GAD2: variants seen among roughly 807,000 people sequenced by gnomAD.
GAD2 encodes 65 kDa glutamic acid decarboxylase.
In GAD2, 22 loss-of-function variants were observed where a neutral mutation model predicts 80.1. That is an observed-to-expected ratio of 0.27 (90% confidence interval 0.20 to 0.39). GAD2 has a LOEUF of 0.39. Ranked by LOEUF, GAD2 falls within the 10% of genes least tolerant of loss-of-function variation. GAD2 has a pLI of 1.00. For synonymous variants in GAD2, 274 were observed against 256.9 expected, an observed-to-expected ratio of 1.07 and a Z score of -0.64; for missense variants, 624 against 738.4, an observed-to-expected ratio of 0.85 and a Z score of 1.80.
intron 7 of GAD2, among the ~76,000 whole-genome samples, chr10:26,231,901 T>A (rs1291784774): frequency 6.6e-6 from 1 of 152,208 alleles, no homozygotes; most frequent in Non-Finnish European, 1.5e-5. Context: ...CCTGTGGCTC[T>A]CCTGCCTCTC....
chr10:26,235,216 G>A (rs899669406), intron 7 of GAD2, among the ~76,000 whole-genome samples: 6 of 152,282 alleles, frequency 3.9e-5, no homozygotes, highest in African/African-American at 1.2e-4. Context: ...TACTGAACCA[G>A]GTCACATTAC....
intron 15 of GAD2, among the ~76,000 whole-genome samples, chr10:26,299,787 A>G (rs1272745735): frequency 6.6e-6 from 1 of 152,214 alleles, no homozygotes; most frequent in Non-Finnish European, 1.5e-5. Context: ...GCTTAAAGGA[A>G]GAGAGCTACT....
chr10:26,280,360 T>C (rs1845258091), intron 11 of GAD2, among the ~76,000 whole-genome samples: 1 of 152,192 alleles, frequency 6.6e-6, no homozygotes, highest in African/African-American at 2.4e-5. Context: ...GAGCACAGTT[T>C]GGTTCTATGC....
chr10:26,290,156 C>T (rs1009696270), intron 13 of GAD2, among the ~76,000 whole-genome samples: 11 of 152,124 alleles, frequency 7.2e-5, no homozygotes, highest in Non-Finnish European at 1.5e-4. Flanking sequence ...TTTACTTTCT[C>T]TCTAAAATAT....
chr10:26,300,224 C>T (rs1007533522), intron 15 of GAD2, among the ~76,000 whole-genome samples: 1 of 152,112 alleles, frequency 6.6e-6, no homozygotes, highest in Non-Finnish European at 1.5e-5. Flanking sequence ...GTGAGTTCAG[C>T]TTTTTGTCCC....
intron 12 of GAD2, among the ~76,000 whole-genome samples, chr10:26,283,781 G>T (rs1002350776): frequency 1.3e-5 from 2 of 152,170 alleles, no homozygotes; most frequent in Non-Finnish European, 2.9e-5. Context: ...AGGGAGGATG[G>T]CAGCCTTCAC....
chr10:26,247,751 C>T (rs576957631), intron 8 of GAD2, among the ~76,000 whole-genome samples: 4 of 151,666 alleles, frequency 2.6e-5, no homozygotes, highest in East Asian at 1.9e-4. Context: ...CAAAAATTAG[C>T]CGGGGGTGGT....
At chr10:26,279,816 C>A (rs1203125812) in intron 11 of GAD2, among the ~76,000 whole-genome samples, 1 of 152,190 alleles carries the variant, frequency 6.6e-6, no homozygotes, top group African/African-American at 2.4e-5. Context: ...GCTGTGGGAA[C>A]CACACACATC....
chr10:26,237,696 A>G (rs947316912), intron 7 of GAD2, among the ~76,000 whole-genome samples: 3 of 151,972 alleles, frequency 2.0e-5, no homozygotes, highest in Non-Finnish European at 2.9e-5. Context: ...CCCTACATAC[A>G]TATATTTATT....
At chr10:26,244,269 G>A (rs1208688182) in intron 7 of GAD2, among the ~76,000 whole-genome samples, 2 of 152,130 alleles carry the variant, frequency 1.3e-5, no homozygotes, top group Admixed American at 6.5e-5. Flanking sequence ...TGGAAACCTC[G>A]TCCACTGAGA....
intron 15 of GAD2, among the ~76,000 whole-genome samples, chr10:26,298,538 T>C (rs1169799724): frequency 6.6e-6 from 1 of 152,206 alleles, no homozygotes; most frequent in Non-Finnish European, 1.5e-5. Flanking sequence ...AACCTTTGAT[T>C]TGCATTCATC....
rs1045204150 is a variant in GAD2, at chr10:26,303,047, C to A, written c.*2086C>A. ...AGACAGAGATGCTAATTGATCCAACCTGCTGTCCTTCGTGGAGAAGACAGT... is the reference window on the plus strand; with the variant it reads ...AGACAGAGATGCTAATTGATCCAACATGCTGTCCTTCGTGGAGAAGACAGT... On this transcript the variant is annotated 3_prime_UTR_variant, in exon 16 of 16. Coordinates refer to ENST00000376261, the MANE Select transcript of GAD2 (RefSeq NM_001134366.2). 3.3e-5 allele frequency: 5 copies of A among 152,238 alleles called. No homozygotes were observed. The highest frequency in any genetic ancestry group is 1.2e-4 in the African/African-American group (5 of 41,456). The allele number at this position is 152,238 out of a possible 1,614,324, so 9.4% of individuals were successfully genotyped here. A position where few individuals can be genotyped will look rare whatever the true frequency, so the allele number is the denominator to read the frequency against.
chr10:26,218,721 A>C (rs556127377), intron 3 of GAD2, among the ~76,000 whole-genome samples: 45 of 152,334 alleles, frequency 3.0e-4, no homozygotes, highest in Non-Finnish European at 2.8e-4. Context: ...AAGATGGTTT[A>C]CTGAGAAACA....
intron 11 of GAD2, among the ~76,000 whole-genome samples, chr10:26,277,552 C>T (rs1013860361): frequency 1.3e-5 from 2 of 152,094 alleles, no homozygotes; most frequent in African/African-American, 4.8e-5. Context: ...AGAGAGGAGA[C>T]GGGAGCCAGG....
At chr10:26,243,440 G>T (rs1219269206) in intron 7 of GAD2, among the ~76,000 whole-genome samples, 1 of 152,222 alleles carries the variant, frequency 6.6e-6, no homozygotes, top group Non-Finnish European at 1.5e-5. Flanking sequence ...CTTTGGAGAT[G>T]TAAATTGAGG....
chr10:26,234,480 A>ACTG (rs1205018963), intron 7 of GAD2, among the ~76,000 whole-genome samples: 1 of 152,200 alleles, frequency 6.6e-6, no homozygotes, highest in African/African-American at 2.4e-5. Context: ...TAATACCAAC[A>ACTG]CTGCTCTTTA....
At chr10:26,266,378 G>A (rs759251845) in intron 8 of GAD2, among the ~76,000 whole-genome samples, 42 of 152,290 alleles carry the variant, frequency 2.8e-4, no homozygotes, top group East Asian at 7.7e-4. Flanking sequence ...AAGAACCAGC[G>A]TTCTAAGGTA....
intron 7 of GAD2, among the ~76,000 whole-genome samples, chr10:26,238,893 G>A (rs966578384): frequency 2.6e-5 from 4 of 152,184 alleles, no homozygotes; most frequent in African/African-American, 7.2e-5. Context: ...GTACTGTATA[G>A]GAGCAAGCGA....
At chr10:26,241,515 C>T (rs1008130336) in intron 7 of GAD2, among the ~76,000 whole-genome samples, 7 of 152,040 alleles carry the variant, frequency 4.6e-5, no homozygotes, top group African/African-American at 7.3e-5. Context: ...TGAAGGCCAC[C>T]CATGTCACAT....
Sources: gnomAD v4.1 joint callset for allele counts (sites outside exome capture counted in the v4.1 genomes callset) on GRCh38, gnomAD v4.1.1 for gene constraint, MANE v1.5 for transcripts, NCBI Gene and HGNC (gene_info 2026-07-23, HGNC 2026-07-21) for gene names.